Variants in CNTN5 observed in about 807,000 individuals in gnomAD.
The protein encoded by CNTN5 is contactin 5.
A neutral mutation model predicts 129.1 loss-of-function variants in CNTN5; 77 were observed. That is an observed-to-expected ratio of 0.60 (90% CI 0.50 to 0.72). CNTN5 has a LOEUF of 0.72. Ranked by LOEUF, CNTN5 falls within the 30% of genes least tolerant of loss-of-function variation. The probability of loss-of-function intolerance (pLI) is 0.00; values close to 1 mark genes in which losing one functional copy is unlikely to be tolerated. For missense variants in CNTN5, 1,478 were observed against 1,328.8 expected (o/e 1.11, Z -1.75); for synonymous variants, 509 against 465.6 (o/e 1.09, Z -1.20).
At chr11:100,226,964 A>C (rs1007352831) in intron 16 of CNTN5, among the ~76,000 whole-genome samples, 1 of 152,066 alleles carries the variant, frequency 6.6e-6, no homozygotes, top group Non-Finnish European at 1.5e-5. Context: ...TGAGCATTCT[A>C]GATGGAGCTT....
intron 13 of CNTN5, among the ~76,000 whole-genome samples, chr11:100,121,559 G>A (rs1318018787): frequency 6.6e-6 from 1 of 151,900 alleles, no homozygotes; most frequent in African/African-American, 2.4e-5. Flanking sequence ...TGGTCTTCAT[G>A]TAGAGGATAA....
chr11:99,348,426 T>C (rs151284604), intron 2 of CNTN5, among the ~76,000 whole-genome samples: 173 of 152,346 alleles, frequency 1.1e-3, no homozygotes, highest in Non-Finnish European at 2.1e-3. Flanking sequence ...TTGATAACTC[T>C]TCTACTACCA....
At chr11:99,359,344 C>T (rs949393015) in intron 2 of CNTN5, among the ~76,000 whole-genome samples, 7 of 152,020 alleles carry the variant, frequency 4.6e-5, no homozygotes, top group Non-Finnish European at 1.0e-4. Context: ...TACTCCCATT[C>T]ATGAGGGCAG....
At position 100,108,265 on chromosome 11, in the gene CNTN5, C is replaced by A. The variant is rs1382660493; in HGVS notation, c.1580+33971C>A. 2.6e-5 allele frequency among the ~76,000 whole-genome samples: 4 copies of A among 151,994 alleles called. No individual in the cohort carries two copies. In the South Asian group the frequency reaches 6.2e-4, roughly 24 times the overall value. On this transcript the variant is annotated intron_variant, in intron 13 of 24. Transcript: ENST00000524871. The stretch of plus-strand genomic sequence containing the variant: ...ATTCAGTGAGATTAGTGCTATATAG[C>A]AAAAGAATGCATAAAATACAACATA...
At chr11:99,960,643 A>T (rs1321591379) in intron 8 of CNTN5, among the ~76,000 whole-genome samples, 1 of 152,188 alleles carries the variant, frequency 6.6e-6, no homozygotes. Flanking sequence ...TATAGTTTGG[A>T]TGTAGTGTTT....
At chr11:100,288,670 T>C (rs1272878175) in intron 18 of CNTN5, among the ~76,000 whole-genome samples, 42 of 150,714 alleles carry the variant, frequency 2.8e-4, no homozygotes, top group African/African-American at 7.8e-4. Flanking sequence ...AGATCCAAAA[T>C]TGACACCCTA....
chr11:99,500,971 A>C (rs895249560), intron 2 of CNTN5, among the ~76,000 whole-genome samples: 1 of 152,198 alleles, frequency 6.6e-6, no homozygotes, highest in Non-Finnish European at 1.5e-5. Context: ...AAAAGACTTC[A>C]GAAATTTGTG....
At chr11:99,305,818 T>TA (rs1258260756) in intron 1 of CNTN5, among the ~76,000 whole-genome samples, 1 of 151,576 alleles carries the variant, frequency 6.6e-6, no homozygotes, top group African/African-American at 2.4e-5. Flanking sequence ...CCATCTCTAC[T>TA]AAAAATACAA....
intron 2 of CNTN5, among the ~76,000 whole-genome samples, chr11:99,439,720 A>G (rs12280341): frequency 1.3e-5 from 2 of 149,152 alleles, no homozygotes; most frequent in African/African-American, 4.9e-5. Flanking sequence ...AAAAAAAAAA[A>G]AAAAAGAAAA....
At chr11:99,121,910 TC>T (rs1388390835) in intron 1 of CNTN5, among the ~76,000 whole-genome samples, 5 of 151,758 alleles carry the variant, frequency 3.3e-5, no homozygotes, top group East Asian at 1.9e-4. Flanking sequence ...TTTCTTTTTT[TC>T]CTAGATGACC....
At chr11:99,381,193 C>T (rs915681606) in intron 2 of CNTN5, among the ~76,000 whole-genome samples, 2 of 152,000 alleles carry the variant, frequency 1.3e-5, no homozygotes, top group East Asian at 3.9e-4. Context: ...CTAATCACTG[C>T]GGTAAGTGCT....
chr11:99,752,666 C>G (rs1402915200), intron 3 of CNTN5, among the ~76,000 whole-genome samples: 1 of 152,072 alleles, frequency 6.6e-6, no homozygotes, highest in Non-Finnish European at 1.5e-5. Context: ...TTATAGTTTT[C>G]TACATAAATA....
intron 11 of CNTN5, among the ~76,000 whole-genome samples, 193 bp from the exon 12 acceptor site, chr11:100,071,512 C>A (rs974295335): frequency 6.6e-6 from 1 of 152,004 alleles, no homozygotes; most frequent in Admixed American, 6.6e-5. Context: ...CTTTTTCAAC[C>A]AATAAATAAC....
At chr11:99,838,491 T>C (rs1292835285) in intron 4 of CNTN5, among the ~76,000 whole-genome samples, 4 of 152,220 alleles carry the variant, frequency 2.6e-5, no homozygotes, top group Non-Finnish European at 5.9e-5. Flanking sequence ...TAAAAAATCC[T>C]CAAAACTTAG....
At chr11:99,469,092 T>C (rs771856396) in intron 2 of CNTN5, among the ~76,000 whole-genome samples, 1 of 151,800 alleles carries the variant, frequency 6.6e-6, no homozygotes, top group Non-Finnish European at 1.5e-5. Flanking sequence ...GTAGTACTGG[T>C]AAAAGAAAAG....
intron 22 of CNTN5, 103 bp from the exon 23 acceptor site, chr11:100,340,990 C>A: frequency 1.2e-6 from 1 of 862,132 alleles, no homozygotes; most frequent in Non-Finnish European, 1.9e-6. Context: ...AGATTGCCAG[C>A]CAACTACTAA....
At chr11:99,593,000 T>A (rs530737161) in intron 3 of CNTN5, among the ~76,000 whole-genome samples, 1 of 152,152 alleles carries the variant, frequency 6.6e-6, no homozygotes, top group South Asian at 2.1e-4. Context: ...GTAATAGATA[T>A]GACAACTCAT....
At chr11:99,762,264 G>T (rs1944607210) in intron 3 of CNTN5, among the ~76,000 whole-genome samples, 1 of 145,968 alleles carries the variant, frequency 6.9e-6, no homozygotes, top group Admixed American at 6.9e-5. Flanking sequence ...AAGCTCTTTA[G>T]TTTAATTAGA....
At chr11:99,413,168 A>G (rs1244471365) in intron 2 of CNTN5, among the ~76,000 whole-genome samples, 4 of 152,208 alleles carry the variant, frequency 2.6e-5, no homozygotes, top group Non-Finnish European at 5.9e-5. Context: ...TGAAAAAAAT[A>G]CTTAGAGTCA....
Sources: allele counts gnomAD v4.1 joint callset (sites outside exome capture counted in the v4.1 genomes callset), GRCh38; gene constraint gnomAD v4.1.1; transcripts MANE v1.5; gene names NCBI Gene and HGNC (gene_info 2026-07-23, HGNC 2026-07-21).